SGMS1: variants seen among roughly 807,000 people sequenced by gnomAD.
SGMS1 encodes sphingomyelin synthase 1.
A neutral mutation model predicts 46.2 loss-of-function variants in SGMS1; 13 were observed. The observed-to-expected ratio is 0.28, with a 90% CI of 0.18 to 0.45. SGMS1 has a LOEUF of 0.45. Ranked by LOEUF, SGMS1 falls within the 20% of genes least tolerant of loss-of-function variation. The probability of loss-of-function intolerance (pLI) is 1.00; values close to 1 mark genes in which losing one functional copy is unlikely to be tolerated. For missense variants in SGMS1, 324 were observed against 519.9 expected, an observed-to-expected ratio of 0.62 and a Z score of 3.66; for synonymous variants, 203 against 187.8, an observed-to-expected ratio of 1.08 and a Z score of -0.66.
chr10:50,450,732 A>C (rs1837096424), intron 5 of SGMS1, among the ~76,000 whole-genome samples: 1 of 152,024 alleles, frequency 6.6e-6, no homozygotes, highest in Admixed American at 6.6e-5. Context: ...CAGTACAAAA[A>C]AGAGAAAAAG....
At chr10:50,612,777 C>T (rs1838762551) in intron 1 of SGMS1, among the ~76,000 whole-genome samples, 2 of 152,152 alleles carry the variant, frequency 1.3e-5, no homozygotes, top group Admixed American at 6.5e-5. Flanking sequence ...GGCGTGATCG[C>T]GGCTCACTGC....
intron 6 of SGMS1, among the ~76,000 whole-genome samples, chr10:50,372,550 C>T (rs897667062): frequency 2.6e-5 from 4 of 151,874 alleles, no homozygotes; most frequent in South Asian, 2.1e-4. Flanking sequence ...AAAAATTAGC[C>T]GGGTATGGTG....
At chr10:50,474,963 C>T (rs1056300801) in intron 3 of SGMS1, among the ~76,000 whole-genome samples, 5 of 152,154 alleles carry the variant, frequency 3.3e-5, no homozygotes, top group Admixed American at 6.5e-5. Flanking sequence ...GCATTTATCT[C>T]AGAGTCTGAA....
At chr10:50,342,463 T>C (rs1847835458) in intron 7 of SGMS1, 1 of 152,198 alleles carries the variant, frequency 6.6e-6, no homozygotes, top group Non-Finnish European at 1.5e-5. Flanking sequence ...ACTGCTTTTA[T>C]TTCAATTTGT....
In SGMS1 at chr10:50,307,012, A is replaced by G; in HGVS notation, c.*130T>C. The stretch of plus-strand genomic sequence containing the variant: ...AAAAGATCACAGTGCTGACCAGGTA[A>G]CTCAATAGGTTAAGTCAAGGTAACC... On this transcript the variant is annotated 3_prime_UTR_variant, in exon 11 of 11. Transcript: ENST00000361781. This position sits in a 1 kb window ranked among gnomAD's most constrained non-coding sequence, Gnocchi z 4.2. The G allele has an allele frequency of 1.1e-6, 1 of 899,262 alleles. No individual in the cohort carries two copies. The highest frequency in any genetic ancestry group is 2.6e-5 in the East Asian group (1 of 38,068). The allele number at this position is 899,262 out of a possible 1,614,324, so 55.7% of individuals were successfully genotyped here.
intron 2 of SGMS1, among the ~76,000 whole-genome samples, chr10:50,554,001 A>C (rs894369996): frequency 3.3e-5 from 5 of 152,202 alleles, no homozygotes; most frequent in Admixed American, 2.0e-4. Context: ...TCTTCCCAGC[A>C]TGTCACCCAA....
intron 2 of SGMS1, among the ~76,000 whole-genome samples, chr10:50,538,883 C>T (rs1838027616): frequency 6.6e-6 from 1 of 152,172 alleles, no homozygotes; most frequent in African/African-American, 2.4e-5. Flanking sequence ...GAATCCAGTC[C>T]AGGGTTAAAG....
intron 1 of SGMS1, among the ~76,000 whole-genome samples, chr10:50,618,971 C>G (rs777601273): frequency 6.6e-6 from 1 of 151,802 alleles, no homozygotes; most frequent in Non-Finnish European, 1.5e-5. Flanking sequence ...GAACCACTAC[C>G]CTAGGGATAT....
At chr10:50,311,495 C>T in intron 8 of SGMS1, 80 bp from the exon 9 acceptor site, 2 of 1,316,452 alleles carry the variant, frequency 1.5e-6, no homozygotes, top group East Asian at 6.2e-5. Flanking sequence ...CTATTCATAT[C>T]CAGAATTAAG....
At chr10:50,319,825 T>C (rs890343632) in intron 8 of SGMS1, among the ~76,000 whole-genome samples, 1 of 152,244 alleles carries the variant, frequency 6.6e-6, no homozygotes. Context: ...CTCCACTAAA[T>C]ACATACCTTT....
intron 6 of SGMS1, among the ~76,000 whole-genome samples, chr10:50,392,190 T>TAAAAAA (rs35016002): frequency 6.8e-6 from 1 of 147,402 alleles, no homozygotes. Context: ...AAGTAAAAGT[T>TAAAAAA]AAAAAAAAAA....
intron 8 of SGMS1, among the ~76,000 whole-genome samples, chr10:50,325,064 CATT>C (rs1226200575): frequency 6.6e-6 from 1 of 152,152 alleles, no homozygotes; most frequent in Non-Finnish European, 1.5e-5. Context: ...ACACCAATAG[CATT>C]ATGGTTTTGT....
At chr10:50,580,549 T>C (rs1564436821) in intron 2 of SGMS1, among the ~76,000 whole-genome samples, 3 of 151,666 alleles carry the variant, frequency 2.0e-5, no homozygotes, top group Non-Finnish European at 4.4e-5. Context: ...GAGCGGGGCA[T>C]GCACAGGAGT....
intron 6 of SGMS1, among the ~76,000 whole-genome samples, chr10:50,372,695 A>AAAAAAAC (rs56853284): frequency 6.6e-5 from 10 of 150,944 alleles, no homozygotes; most frequent in African/African-American, 9.7e-5. Flanking sequence ...TCTGTCTCAA[A>AAAAAAAC]AAAAAACAAA....
chr10:50,354,439 T>C (rs1848097199), intron 6 of SGMS1, among the ~76,000 whole-genome samples: 1 of 152,146 alleles, frequency 6.6e-6, no homozygotes, highest in African/African-American at 2.4e-5. Flanking sequence ...CAAAAATTAA[T>C]TCAAGATGAA....
At chr10:50,512,621 C>T (rs935604027) in intron 3 of SGMS1, among the ~76,000 whole-genome samples, 1 of 152,140 alleles carries the variant, frequency 6.6e-6, no homozygotes, top group African/African-American at 2.4e-5. Flanking sequence ...TGAGGAAGTT[C>T]GCAGGCTGCC....
At chr10:50,363,987 G>A (rs1324809179) in intron 6 of SGMS1, among the ~76,000 whole-genome samples, 1 of 151,616 alleles carries the variant, frequency 6.6e-6, no homozygotes, top group African/African-American at 2.4e-5. Context: ...AAAGACATAA[G>A]GTATCAAAAA....
At chr10:50,564,140 G>T (rs1231729926) in intron 2 of SGMS1, among the ~76,000 whole-genome samples, 1 of 152,212 alleles carries the variant, frequency 6.6e-6, no homozygotes, top group Non-Finnish European at 1.5e-5. Flanking sequence ...GAGACCATGT[G>T]TCAGCACACT....
intron 6 of SGMS1, among the ~76,000 whole-genome samples, chr10:50,388,019 G>T (rs914964830): frequency 2.6e-5 from 4 of 152,186 alleles, no homozygotes; most frequent in African/African-American, 9.6e-5. Context: ...TATATACAGA[G>T]AAACCTTTAC....
Sources: gnomAD v4.1 joint callset for allele counts (sites outside exome capture counted in the v4.1 genomes callset) on GRCh38, gnomAD v4.1.1 for gene constraint, Gnocchi (gnomAD v3.1) non-coding constraint, MANE v1.5 for transcripts, NCBI Gene and HGNC (gene_info 2026-07-23, HGNC 2026-07-21) for gene names.